The following ASXL3 variants were observed in gnomAD, a reference collection of about 807,000 sequenced individuals.
The protein encoded by ASXL3 is ASXL transcriptional regulator 3, also known as putative Polycomb group protein ASXL3.
A neutral mutation model predicts 170.6 loss-of-function variants in ASXL3; 34 were observed. The observed-to-expected ratio is 0.20, with a 90% CI of 0.15 to 0.27. The LOEUF (loss-of-function observed/expected upper bound fraction) is 0.27, where lower values mean the gene tolerates loss of function less well. Among genes scored for constraint, ASXL3 ranks in the 10% least tolerant of loss-of-function variants. The probability of loss-of-function intolerance (pLI) is 1.00; values close to 1 mark genes in which losing one functional copy is unlikely to be tolerated. For synonymous variants in ASXL3, 1,002 were observed against 989.1 expected, an observed-to-expected ratio of 1.01 and a Z score of -0.24; for missense variants, 2,592 against 2,695.3, an observed-to-expected ratio of 0.96 and a Z score of 0.85.
chr18:33,650,374 T>C (rs2065978581), intron 4 of ASXL3, among the ~76,000 whole-genome samples: 1 of 152,036 alleles, frequency 6.6e-6, no homozygotes, highest in South Asian at 2.1e-4. Flanking sequence ...TTATTCCATT[T>C]CCAGGCCCAG....
At chr18:33,584,994 G>T (rs1308579814) in intron 1 of ASXL3, among the ~76,000 whole-genome samples, 1 of 151,062 alleles carries the variant, frequency 6.6e-6, no homozygotes, top group Non-Finnish European at 1.5e-5. Context: ...GAATTTAATT[G>T]ATCTGTTACA....
chr18:33,584,765 C>T (rs1458299172), intron 1 of ASXL3, among the ~76,000 whole-genome samples: 3 of 152,108 alleles, frequency 2.0e-5, no homozygotes, highest in African/African-American at 4.8e-5. Flanking sequence ...TTTAATGATA[C>T]ACCCAATATC....
chr18:33,609,365 C>T (rs1184558043), intron 2 of ASXL3, among the ~76,000 whole-genome samples: 1 of 151,962 alleles, frequency 6.6e-6, no homozygotes, highest in African/African-American at 2.4e-5. Flanking sequence ...TAAAAGCAGA[C>T]GTTTGAAATT....
At chr18:33,683,682 C>A in intron 8 of ASXL3, 114 bp downstream of exon 8, 2 of 1,115,998 alleles carry the variant, frequency 1.8e-6, no homozygotes, top group Non-Finnish European at 2.4e-6. Context: ...GTAATTTATG[C>A]ATTTCTATTT....
intron 8 of ASXL3, among the ~76,000 whole-genome samples, chr18:33,707,256 A>C (rs1040853695): frequency 1.1e-4 from 16 of 152,002 alleles, no homozygotes; most frequent in Admixed American, 1.0e-3. Context: ...TGTTCCTAAA[A>C]GCACAGGAAT....
rs1389450868 is a variant in ASXL3 at position 33,731,850 on chromosome 18, C to T, written c.880-118C>T. On this transcript the variant is annotated intron_variant, in intron 8 of 11. Coordinates refer to ENST00000269197, the MANE Select transcript of ASXL3 (RefSeq NM_030632.3). ...CTTCTCCTTTCTCTGTCTCCTTCCC[C>T]CTTCCTCCTCCTCACACATACACTG... 3 of 657,746 alleles carry T rather than the reference C, an allele frequency of 4.6e-6. No individual in the cohort carries two copies. In the East Asian group the frequency reaches 8.1e-5, roughly 18 times the overall value. The allele number at this position is 657,746 out of a possible 1,614,324, so 40.7% of individuals were successfully genotyped here.
chr18:33,661,707 C>A lies in ASXL3; in HGVS notation c.447C>A (p.Phe149Leu), dbSNP rs761258705. ...TAVQSKLVSS[F>L]QQHTKKALKQ... is the part of the protein sequence containing the mutation. ...TGCAAAGCAAGTTAGTGTCTTCCTTCCAGCAGCACACCAAAAAGGCTCTTA... is the reference window on the plus strand; with the variant it reads ...TGCAAAGCAAGTTAGTGTCTTCCTTACAGCAGCACACCAAAAAGGCTCTTA... Residue 149 changes from phenylalanine (F) to leucine (L), a missense_variant, in exon 5 of 12, where the codon TTC becomes TTA. Phe to Leu is a conservative substitution (Grantham distance 22). This residue lies in a region of ASXL3 where 251 missense variants were observed against 281.9 expected (regional missense o/e 0.89). Transcript: ENST00000269197. 1.2e-6 allele frequency: 2 copies of A among 1,612,858 alleles called. No homozygotes were observed. Among genetic ancestry groups the A allele is most frequent in the Non-Finnish European group, 1.7e-6 (2 of 1,179,392 alleles).
At chr18:33,629,846 T>C (rs911075014) in intron 2 of ASXL3, among the ~76,000 whole-genome samples, 1 of 152,096 alleles carries the variant, frequency 6.6e-6, no homozygotes, top group African/African-American at 2.4e-5. Context: ...TTGTGGAATT[T>C]ATTAATATGT....
At chr18:33,642,856 G>A (rs1378919112) in intron 2 of ASXL3, among the ~76,000 whole-genome samples, 1 of 151,772 alleles carries the variant, frequency 6.6e-6, no homozygotes, top group Non-Finnish European at 1.5e-5. Context: ...TTATAGTAAT[G>A]TTACATTTGT....
intron 1 of ASXL3, among the ~76,000 whole-genome samples, chr18:33,585,948 C>T (rs948375781): frequency 2.0e-5 from 3 of 152,048 alleles, no homozygotes; most frequent in African/African-American, 7.2e-5. Context: ...GGCAAGTACA[C>T]GTATTCCATT....
At chr18:33,720,204 A>G (rs1451134023) in intron 8 of ASXL3, among the ~76,000 whole-genome samples, 1 of 152,012 alleles carries the variant, frequency 6.6e-6, no homozygotes, top group East Asian at 1.9e-4. Flanking sequence ...TTACCACTCT[A>G]GGTGCAAGGC....
Position 33,608,901 on chromosome 18 carries a change from A to G in ASXL3, c.137+1225A>G, listed in dbSNP as rs181015868. ...TTTAAAATGTATTATTTAGCAAGGT[A>G]GGTCCATGGACATCACAATTTACTG... On this transcript the variant is annotated intron_variant, in intron 2 of 11. Transcript: ENST00000269197. 1.1e-3 allele frequency: 301 copies of G among 280,720 alleles called. 2 individuals carry two copies. The highest frequency in any genetic ancestry group is 1.8e-3 in the Admixed American group (28 of 15,424). 17.4% of individuals were successfully genotyped at this position (280,720 alleles called of 1,614,324 possible).
At chr18:33,689,742 C>T (rs1459806871) in intron 8 of ASXL3, among the ~76,000 whole-genome samples, 1 of 152,184 alleles carries the variant, frequency 6.6e-6, no homozygotes, top group Non-Finnish European at 1.5e-5. Flanking sequence ...ATTTGTCAAG[C>T]TTTTCCAGTG....
chr18:33,688,602 C>T (rs969134070), intron 8 of ASXL3, among the ~76,000 whole-genome samples: 1 of 151,880 alleles, frequency 6.6e-6, no homozygotes, highest in Non-Finnish European at 1.5e-5. Context: ...GGGAAAGAGA[C>T]AGAAAATAGA....
At chr18:33,665,739 T>G (rs77564192) in intron 5 of ASXL3, among the ~76,000 whole-genome samples, 4,675 of 152,256 alleles carry the variant, frequency 0.031, 239 homozygotes, top group African/African-American at 0.11. Context: ...GTCTGAAAAA[T>G]CAAATGTTTA....
intron 8 of ASXL3, among the ~76,000 whole-genome samples, chr18:33,726,710 T>G (rs895621132): frequency 8.5e-5 from 13 of 152,174 alleles, no homozygotes; most frequent in African/African-American, 3.1e-4. Flanking sequence ...ACAGCAGTAC[T>G]CTAAATATTT....
chr18:33,646,137 G>T, intron 3 of ASXL3, 108 bp from the exon 4 acceptor site: 10 of 701,804 alleles, frequency 1.4e-5, no homozygotes, highest in Admixed American at 7.1e-5. Context: ...TTATTGAAAT[G>T]TTAAGTCACA....
intron 2 of ASXL3, among the ~76,000 whole-genome samples, chr18:33,633,287 ACT>A (rs2145176272): frequency 1.3e-5 from 2 of 152,112 alleles, no homozygotes; most frequent in South Asian, 4.2e-4. Context: ...ACTATATAAA[ACT>A]CTTTATTGTA....
At chr18:33,657,026 C>T (rs1327208157) in intron 4 of ASXL3, among the ~76,000 whole-genome samples, 1 of 152,070 alleles carries the variant, frequency 6.6e-6, no homozygotes, top group Non-Finnish European at 1.5e-5. Flanking sequence ...GCATGTAAGT[C>T]CCTGAGTTTC....
Sources: allele counts gnomAD v4.1 joint callset (sites outside exome capture counted in the v4.1 genomes callset), GRCh38; gene constraint gnomAD v4.1.1; regional missense constraint gnomAD v4.1.1; transcripts MANE v1.5; gene names NCBI Gene and HGNC (gene_info 2026-07-23, HGNC 2026-07-21).